Variants in E2F3 observed in about 807,000 individuals in gnomAD.
E2F3 encodes E2F transcription factor 3.
In E2F3, 11 loss-of-function variants were observed where a neutral mutation model predicts 44.4. The observed-to-expected ratio is 0.25, with a 90% CI of 0.16 to 0.41. The LOEUF is 0.41. Among genes scored for constraint, E2F3 ranks in the 10% least tolerant of loss-of-function variants. E2F3 has a pLI of 1.00. For synonymous variants in E2F3, 249 were observed against 253.0 expected (o/e 0.98, Z 0.15); for missense variants, 487 against 583.6 (o/e 0.83, Z 1.70).
intron 1 of E2F3, among the ~76,000 whole-genome samples, chr6:20,405,867 G>C (rs1287061017): frequency 6.6e-6 from 1 of 152,084 alleles, no homozygotes; most frequent in Non-Finnish European, 1.5e-5. Flanking sequence ...AATTTATCTA[G>C]TCAATGCATA....
chr6:20,403,787 TC>T lies in E2F3; in HGVS notation c.393+1168del, dbSNP rs770000087. 25 of 1,430,110 alleles carry T rather than the reference TC, an allele frequency of 1.7e-5. No individual in the cohort carries two copies. The Admixed American group carries it at 5.0e-4, about 28-fold the overall frequency. 88.6% of individuals were successfully genotyped at this position (1,430,110 alleles called of 1,614,324 possible). On this transcript the variant is annotated intron_variant, in intron 1 of 6. Coordinates refer to ENST00000346618, the MANE Select transcript of E2F3 (RefSeq NM_001949.5). ...CCCCCTCTCCAGCCGGCCCCCCACC[TC>T]CCCCCGGAGCCAGGCTGGTTTCGGA...
intron 1 of E2F3, among the ~76,000 whole-genome samples, chr6:20,434,610 A>G (rs564671212): frequency 6.6e-6 from 1 of 152,242 alleles, no homozygotes; most frequent in South Asian, 2.1e-4. Context: ...TTCTGAATAA[A>G]CTATAGAGAG....
At position 20,483,028 on chromosome 6, in the gene E2F3, A is replaced by G. The variant is rs912269105; in HGVS notation, c.884+108A>G. On this transcript the variant is annotated intron_variant, in intron 4 of 6. Coordinates refer to ENST00000346618, the MANE Select transcript of E2F3 (RefSeq NM_001949.5). ...TAGATTATTATTCTGATGTCATGCA[A>G]ATGAGTACCTGTGTGCCTGTGTGTG... 16 of 1,509,872 alleles carry G rather than the reference A, an allele frequency of 1.1e-5. No individual in the cohort carries two copies. In the African/African-American group the frequency reaches 1.9e-4, roughly 18 times the overall value. The allele number at this position is 1,509,872 out of a possible 1,614,324, so 93.5% of individuals were successfully genotyped here. A position where few individuals can be genotyped will look rare whatever the true frequency, so the allele number is the denominator to read the frequency against.
intron 1 of E2F3, among the ~76,000 whole-genome samples, chr6:20,472,025 A>AACACACACAC (rs57925127): frequency 0.013 from 1,780 of 138,426 alleles, 23 homozygotes; most frequent in East Asian, 0.032. Flanking sequence ...CCCCCCCTCC[A>AACACACACAC]ACACACACAC....
chr6:20,467,500 C>T (rs965571641), intron 1 of E2F3, among the ~76,000 whole-genome samples: 3 of 152,194 alleles, frequency 2.0e-5, no homozygotes, highest in African/African-American at 7.2e-5. Context: ...ACACTATACC[C>T]TCTGCTTTCA....
chr6:20,419,173 C>T (rs1759943784), intron 1 of E2F3, among the ~76,000 whole-genome samples: 1 of 152,136 alleles, frequency 6.6e-6, no homozygotes, highest in African/African-American at 2.4e-5. Flanking sequence ...CGCTGCCACT[C>T]GTTATATAGA....
chr6:20,480,297 C>G (rs964383410), intron 2 of E2F3, among the ~76,000 whole-genome samples: 2 of 152,176 alleles, frequency 1.3e-5, no homozygotes, highest in African/African-American at 4.8e-5. Flanking sequence ...TGGATGTCCA[C>G]GAACTATGCC....
At position 20,490,262 on chromosome 6, in the gene E2F3, T is replaced by C. The variant is rs768469709; in HGVS notation, c.1230T>C (p.Thr410=). The change falls in exon 7 of 7, where the codon ACT becomes ACC. Residue 410 remains threonine (T), a synonymous_variant. Coordinates refer to ENST00000346618, the MANE Select transcript of E2F3 (RefSeq NM_001949.5). The surrounding 1 kb of genome is among the most constrained non-coding windows in gnomAD (Gnocchi z 4.3). ...LASPANLLQQ[T]EDQIPSNLEG... is the part of the protein sequence containing the mutation. ...CCCCAGCCAACCTCTTACAGCAGAC[T>C]GAGGACCAAATTCCTTCCAACCTAG... The C allele has an allele frequency of 1.2e-6, 2 of 1,614,162 alleles. No homozygotes were observed. Among genetic ancestry groups the C allele is most frequent in the Non-Finnish European group, 1.7e-6 (2 of 1,180,012 alleles).
chr6:20,414,494 TTTA>T (rs1229887287), intron 1 of E2F3, among the ~76,000 whole-genome samples: 1 of 152,214 alleles, frequency 6.6e-6, no homozygotes, highest in Non-Finnish European at 1.5e-5. Flanking sequence ...AAATCTTGAA[TTTA>T]TTTTCTTAAG....
intron 4 of E2F3, among the ~76,000 whole-genome samples, chr6:20,484,492 A>G (rs770777720): frequency 1.3e-5 from 2 of 152,200 alleles, no homozygotes; most frequent in Non-Finnish European, 2.9e-5. Flanking sequence ...GCTTTTTGAC[A>G]GTGAGCTGTA....
chr6:20,452,712 G>A (rs991837771), intron 1 of E2F3, among the ~76,000 whole-genome samples: 1 of 152,152 alleles, frequency 6.6e-6, no homozygotes, highest in Non-Finnish European at 1.5e-5. Context: ...CACTTTGGGA[G>A]GCTGAGGAGG....
intron 1 of E2F3, among the ~76,000 whole-genome samples, chr6:20,441,929 A>G (rs1402184947): frequency 2.0e-5 from 3 of 151,682 alleles, no homozygotes; most frequent in African/African-American, 7.3e-5. Flanking sequence ...CCATCTTACA[A>G]TCCTACTAGC....
rs1762327933 is a variant in E2F3, at chr6:20,484,516, G to A, written c.884+1596G>A. Among the ~76,000 whole-genome samples the A allele has an allele frequency of 3.3e-5, 5 of 152,108 alleles. No individual in the cohort carries two copies. In the South Asian group the frequency reaches 1.0e-3, roughly 31 times the overall value. On this transcript the variant is annotated intron_variant, in intron 4 of 6. Coordinates refer to ENST00000346618, the MANE Select transcript of E2F3 (RefSeq NM_001949.5). ...CAGTGAGCTGTAGTGTAAGTACCTGGTTGTCAGTTTTTTCCAGTGTTCTCA... is the reference window on the plus strand; with the variant it reads ...CAGTGAGCTGTAGTGTAAGTACCTGATTGTCAGTTTTTTCCAGTGTTCTCA...
At chr6:20,455,280 C>A (rs1203186117) in intron 1 of E2F3, among the ~76,000 whole-genome samples, 1 of 152,152 alleles carries the variant, frequency 6.6e-6, no homozygotes, top group Non-Finnish European at 1.5e-5. Context: ...TTGTAATAGT[C>A]TTGCTGATTG....
intron 1 of E2F3, among the ~76,000 whole-genome samples, chr6:20,439,529 C>A (rs1760703164): frequency 6.6e-6 from 1 of 152,138 alleles, no homozygotes; most frequent in South Asian, 2.1e-4. Flanking sequence ...ATTTTCCTCC[C>A]ATTTTTTCTT....
At position 20,481,258 on chromosome 6, in the gene E2F3, C is replaced by T; in HGVS notation, c.558C>T (p.Leu186=). Residue 186 remains leucine (L), a synonymous_variant, in exon 3 of 7, where the codon CTC becomes CTT. Coordinates refer to ENST00000346618, the MANE Select transcript of E2F3 (RefSeq NM_001949.5). Reference sequence around the variant, plus strand: ...GGTATGATACGTCTCTTGGTCTGCTCACCAAGAAGTTCATTCAGCTCCTGA... The same window carrying T: ...GGTATGATACGTCTCTTGGTCTGCTTACCAAGAAGTTCATTCAGCTCCTGA... ...KTRYDTSLGL[L]TKKFIQLLSQ... is the part of the protein sequence containing the mutation. 6.2e-7 allele frequency: 1 copy of T among 1,614,132 alleles called. No homozygotes were observed. Among genetic ancestry groups the T allele is most frequent in the Non-Finnish European group, 8.5e-7 (1 of 1,180,024 alleles).
At chr6:20,442,469 A>G (rs1191652820) in intron 1 of E2F3, among the ~76,000 whole-genome samples, 2 of 152,244 alleles carry the variant, frequency 1.3e-5, no homozygotes, top group Non-Finnish European at 2.9e-5. Context: ...AGAATGATGC[A>G]GGTTTCCACA....
In E2F3 at chr6:20,490,360, G is replaced by A; in HGVS notation, c.1328G>A (p.Gly443Asp). ...CTCCTGAGCCTCGGGGAGGAGGAAG[G>A]CATCAGCGATCTCTTCGATGCTTAC... The part of the protein sequence containing the change: ...DYLLSLGEEE[G>D]ISDLFDAYDL... The change falls in exon 7 of 7, where the codon GGC becomes GAC. Residue 443 changes from glycine to aspartate, a missense_variant. Physicochemically the swap from Gly to Asp is moderately conservative, Grantham distance 94 (BLOSUM62 -1). Transcript: ENST00000346618. This position sits in a 1 kb window ranked among gnomAD's most constrained non-coding sequence, Gnocchi z 4.3. 6.2e-7 allele frequency: 1 copy of A among 1,613,366 alleles called. No individual in the cohort carries two copies. Among genetic ancestry groups the A allele is most frequent in the Non-Finnish European group, 8.5e-7 (1 of 1,179,666 alleles).
intron 1 of E2F3, among the ~76,000 whole-genome samples, chr6:20,408,264 A>G (rs766003860): frequency 5.3e-5 from 8 of 152,224 alleles, no homozygotes; most frequent in Non-Finnish European, 1.2e-4. Context: ...ATCTTTCACA[A>G]AGAAAAGTTA....
Sources: allele counts gnomAD v4.1 joint callset (sites outside exome capture counted in the v4.1 genomes callset), GRCh38; gene constraint gnomAD v4.1.1; non-coding constraint Gnocchi (gnomAD v3.1); transcripts MANE v1.5; gene names NCBI Gene and HGNC (gene_info 2026-07-23, HGNC 2026-07-21).